PUM2: variants seen among roughly 807,000 people sequenced by gnomAD.
The protein encoded by PUM2 is pumilio homolog 2.
Under a neutral mutation model 124.5 loss-of-function variants are expected in PUM2, and 57 were observed. The observed-to-expected ratio is 0.46, with a 90% CI of 0.37 to 0.57. PUM2 has a LOEUF of 0.57. Ranked by LOEUF, PUM2 falls within the 20% of genes least tolerant of loss-of-function variation. The pLI, the probability that PUM2 is intolerant of heterozygous loss-of-function variation, is 0.00. For synonymous variants in PUM2, 460 were observed against 446.1 expected, an observed-to-expected ratio of 1.03 and a Z score of -0.39; for missense variants, 1,065 against 1,290.6, an observed-to-expected ratio of 0.83 and a Z score of 2.68.
chr2:20,284,603 G>A (rs1451829659), intron 10 of PUM2, among the ~76,000 whole-genome samples: 3 of 152,082 alleles, frequency 2.0e-5, no homozygotes, highest in Non-Finnish European at 4.4e-5. Flanking sequence ...CGATCCTCCC[G>A]CCTCAGCCTC....
intron 13 of PUM2, among the ~76,000 whole-genome samples, chr2:20,270,142 A>G (rs1258080139): frequency 2.6e-5 from 4 of 152,214 alleles, no homozygotes; most frequent in African/African-American, 9.6e-5. Flanking sequence ...GAGTAGTAGT[A>G]GTAGGATGAG....
chr2:20,272,834 TTTTATAG>T (rs1558518651), intron 13 of PUM2, among the ~76,000 whole-genome samples: 1 of 152,222 alleles, frequency 6.6e-6, no homozygotes, highest in Non-Finnish European at 1.5e-5. Context: ...TCCATCAGCA[TTTTATAG>T]TTTATAATGT....
intron 7 of PUM2, among the ~76,000 whole-genome samples, chr2:20,301,469 T>C (rs557661595): frequency 1.3e-5 from 2 of 152,276 alleles, no homozygotes; most frequent in African/African-American, 4.8e-5. Context: ...CTGATATGTA[T>C]ACATACTTTT....
At chr2:20,338,650 G>C (rs1478752444) in intron 1 of PUM2, among the ~76,000 whole-genome samples, 2 of 152,110 alleles carry the variant, frequency 1.3e-5, no homozygotes, top group Non-Finnish European at 2.9e-5. Flanking sequence ...CTCATCAACT[G>C]TTCTGGTTAT....
chr2:20,294,813 A>G (rs529498421), intron 8 of PUM2, among the ~76,000 whole-genome samples: 176 of 152,346 alleles, frequency 1.2e-3, no homozygotes, highest in African/African-American at 4.1e-3. Context: ...TACAGATAAT[A>G]TATTCAGGGA....
intron 13 of PUM2, among the ~76,000 whole-genome samples, chr2:20,276,681 T>C (rs2148809534): frequency 6.6e-6 from 1 of 152,146 alleles, no homozygotes; most frequent in Non-Finnish European, 1.5e-5. Flanking sequence ...CCATGAATAG[T>C]ATGCAAAAAG....
At chr2:20,313,010 T>C (rs970350657) in intron 3 of PUM2, among the ~76,000 whole-genome samples, 1 of 152,184 alleles carries the variant, frequency 6.6e-6, no homozygotes, top group African/African-American at 2.4e-5. Context: ...TGGCTAGCCA[T>C]ATGTAGAAAG....
intron 3 of PUM2, among the ~76,000 whole-genome samples, chr2:20,314,212 C>CA (rs1680342666): frequency 6.6e-6 from 1 of 152,150 alleles, no homozygotes; most frequent in South Asian, 2.1e-4. Context: ...AAACACTTCT[C>CA]AAGTTCACAG....
intron 1 of PUM2, among the ~76,000 whole-genome samples, chr2:20,340,002 C>A (rs1486433719): frequency 6.7e-6 from 1 of 149,778 alleles, no homozygotes. Flanking sequence ...AAAAAAAAAA[C>A]GGCCAACTAA....
At chr2:20,312,501 T>C (rs1679844329) in intron 3 of PUM2, 78 bp from the exon 4 acceptor site, 1 of 1,303,542 alleles carries the variant, frequency 7.7e-7, no homozygotes, top group East Asian at 2.5e-5. Flanking sequence ...TATACTGAAG[T>C]AAGAAAAATC....
intron 1 of PUM2, chr2:20,332,852 G>C (rs542161809): frequency 5.9e-5 from 9 of 152,182 alleles, no homozygotes; most frequent in Non-Finnish European, 1.3e-4. Flanking sequence ...ATGTATTCAG[G>C]AGTATGGCAC....
chr2:20,313,673 T>C (rs1205956055), intron 3 of PUM2, among the ~76,000 whole-genome samples: 3 of 150,876 alleles, frequency 2.0e-5, no homozygotes, highest in African/African-American at 7.3e-5. Context: ...CTACAAAAAG[T>C]TTAAAAATTA....
At chr2:20,308,664 A>G (rs1678917765) in intron 5 of PUM2, 80 bp from the exon 6 acceptor site, 2 of 1,369,496 alleles carry the variant, frequency 1.5e-6, no homozygotes, top group East Asian at 4.7e-5. Context: ...AAAATCATGA[A>G]AAACAAATGG....
At chr2:20,328,263 G>A (rs1684138013) in intron 1 of PUM2, among the ~76,000 whole-genome samples, 1 of 152,188 alleles carries the variant, frequency 6.6e-6, no homozygotes, top group Non-Finnish European at 1.5e-5. Flanking sequence ...CTGGGAGACA[G>A]AGGTTACAAT....
At chr2:20,351,567 C>T (rs1353361299), upstream of PUM2, among the ~76,000 whole-genome samples, 2 of 152,212 alleles carry the variant, frequency 1.3e-5, no homozygotes, top group South Asian at 2.1e-4. Flanking sequence ...AGCGCTCTCT[C>T]CTTCCCCGTT....
chr2:20,330,665 TA>T (rs1684724273), intron 1 of PUM2, among the ~76,000 whole-genome samples: 1 of 152,228 alleles, frequency 6.6e-6, no homozygotes, highest in Non-Finnish European at 1.5e-5. Flanking sequence ...TCCTTTATAA[TA>T]AATGGGTAAA....
intron 4 of PUM2, 73 bp from the exon 5 acceptor site, chr2:20,311,736 A>C: frequency 4.4e-6 from 6 of 1,350,384 alleles, no homozygotes; most frequent in Non-Finnish European, 6.1e-6. Context: ...AGGTGACCTA[A>C]CACTACACTA....
At chr2:20,293,089 T>C (rs1167722480) in intron 9 of PUM2, among the ~76,000 whole-genome samples, 1 of 152,248 alleles carries the variant, frequency 6.6e-6, no homozygotes, top group East Asian at 1.9e-4. Flanking sequence ...CTTTTAAACA[T>C]ATTTTTAAAA....
At chr2:20,338,429 T>C (rs1358994566) in intron 1 of PUM2, among the ~76,000 whole-genome samples, 2 of 152,036 alleles carry the variant, frequency 1.3e-5, no homozygotes, top group Non-Finnish European at 2.9e-5. Flanking sequence ...ACCTGGACAA[T>C]TGTTTACCAC....
Sources: gnomAD v4.1 joint callset for allele counts (sites outside exome capture counted in the v4.1 genomes callset) on GRCh38, gnomAD v4.1.1 for gene constraint, MANE v1.5 for transcripts, NCBI Gene and HGNC (gene_info 2026-07-23, HGNC 2026-07-21) for gene names.